ROBO2: variants seen among roughly 807,000 people sequenced by gnomAD.
The protein encoded by ROBO2 is roundabout homolog 2.
In ROBO2, 53 loss-of-function variants were observed where a neutral mutation model predicts 160.8. The ratio of observed to expected loss-of-function variants is 0.33; its 90% CI spans 0.26 to 0.41. The LOEUF is 0.41. Among genes scored for constraint, ROBO2 ranks in the 10% least tolerant of loss-of-function variants. The pLI is 1.00. For missense variants in ROBO2, 1,577 were observed against 1,722.4 expected, an observed-to-expected ratio of 0.92 and a Z score of 1.49; for synonymous variants, 664 against 611.7, an observed-to-expected ratio of 1.09 and a Z score of -1.26.
At chr3:77,458,158 T>C (rs1310609666) in intron 2 of ROBO2, among the ~76,000 whole-genome samples, 1 of 152,178 alleles carries the variant, frequency 6.6e-6, no homozygotes, top group Non-Finnish European at 1.5e-5. Context: ...TTGCTCCAAA[T>C]GGCATAGCTG....
At chr3:76,574,088 T>G (rs146785641) in intron 2 of ROBO2, among the ~76,000 whole-genome samples, 212 of 152,246 alleles carry the variant, frequency 1.4e-3, no homozygotes, top group Middle Eastern at 6.8e-3. Context: ...CATCATTTAA[T>G]ACACATTATT....
At chr3:77,157,743 C>G (rs76210379) in intron 2 of ROBO2, among the ~76,000 whole-genome samples, 6,080 of 152,064 alleles carry the variant, frequency 0.04, 173 homozygotes, top group East Asian at 0.088. Flanking sequence ...TGTTCTAAAG[C>G]CAATTCTAAA....
intron 2 of ROBO2, among the ~76,000 whole-genome samples, chr3:76,460,397 T>C (rs1349731582): frequency 6.6e-6 from 1 of 152,168 alleles, no homozygotes; most frequent in Non-Finnish European, 1.5e-5. Flanking sequence ...AAATGGAGGC[T>C]GGGCATGGTG....
intron 3 of ROBO2, 21 bp downstream of exon 3, chr3:77,477,592 G>T: frequency 6.2e-7 from 1 of 1,609,260 alleles, no homozygotes; most frequent in East Asian, 2.2e-5. Context: ...TTAAAATCAT[G>T]GCCCAGAGAG....
At chr3:76,273,117 A>G (rs1380354726) in intron 2 of ROBO2, among the ~76,000 whole-genome samples, 1 of 9,062 alleles carries the variant, frequency 1.1e-4, no homozygotes, top group African/African-American at 1.4e-4. Flanking sequence ...ACACACACAT[A>G]TAAATATATA....
chr3:77,411,340 G>T (rs1040169765), intron 2 of ROBO2, among the ~76,000 whole-genome samples: 1 of 152,164 alleles, frequency 6.6e-6, no homozygotes, highest in Non-Finnish European at 1.5e-5. Flanking sequence ...AATTAAAAAT[G>T]CTTGAAGCCT....
chr3:76,233,389 C>T (rs7617577), intron 2 of ROBO2, among the ~76,000 whole-genome samples: 135,060 of 152,052 alleles, frequency 0.89, 60,382 homozygotes, highest in Middle Eastern at 0.97. Context: ...GGTGATCCGC[C>T]TGCCTCGGCC....
At chr3:76,629,242 CAA>C (rs2089872280) in intron 2 of ROBO2, among the ~76,000 whole-genome samples, 2 of 152,190 alleles carry the variant, frequency 1.3e-5, no homozygotes, top group Non-Finnish European at 1.5e-5. Flanking sequence ...TTCTTCAAAG[CAA>C]CCAAAATATA....
chr3:76,064,957 A>G (rs1000658322), intron 2 of ROBO2, among the ~76,000 whole-genome samples: 2 of 152,100 alleles, frequency 1.3e-5, no homozygotes, highest in Admixed American at 1.3e-4. Context: ...TATCTTTATC[A>G]CAGGAGTATA....
intron 2 of ROBO2, among the ~76,000 whole-genome samples, chr3:76,487,151 T>C (rs1040884351): frequency 1.3e-5 from 2 of 150,298 alleles, no homozygotes; most frequent in African/African-American, 4.9e-5. Flanking sequence ...TTAATTTAAT[T>C]TTTTTTTTTT....
intron 2 of ROBO2, among the ~76,000 whole-genome samples, chr3:76,318,591 T>C (rs1159643161): frequency 6.6e-6 from 1 of 152,098 alleles, no homozygotes; most frequent in Non-Finnish European, 1.5e-5. Context: ...TTGGATATAT[T>C]AGTGTTGGGG....
chr3:76,887,621 G>A (rs1204898615), intron 2 of ROBO2, among the ~76,000 whole-genome samples: 1 of 151,982 alleles, frequency 6.6e-6, no homozygotes, highest in Non-Finnish European at 1.5e-5. Context: ...AAAATGTCCT[G>A]CTAAACATAG....
At chr3:76,563,594 A>G (rs189133333) in intron 2 of ROBO2, among the ~76,000 whole-genome samples, 8 of 152,242 alleles carry the variant, frequency 5.3e-5, no homozygotes, top group Admixed American at 2.0e-4. Flanking sequence ...TTACTCATCA[A>G]TTGTTTATCT....
intron 2 of ROBO2, among the ~76,000 whole-genome samples, chr3:77,316,331 T>G (rs1311647043): frequency 6.6e-6 from 1 of 152,038 alleles, no homozygotes; most frequent in Non-Finnish European, 1.5e-5. Context: ...TATAAAAAAG[T>G]CTCATTCAGA....
chr3:76,453,292 G>A (rs905959206), intron 2 of ROBO2, among the ~76,000 whole-genome samples: 6 of 152,058 alleles, frequency 3.9e-5, no homozygotes, highest in African/African-American at 1.4e-4. Context: ...TTTCTTCTAG[G>A]GTTTTTATAG....
At chr3:76,609,634 T>C (rs2087931536) in intron 2 of ROBO2, among the ~76,000 whole-genome samples, 2 of 152,172 alleles carry the variant, frequency 1.3e-5, no homozygotes, top group Admixed American at 6.5e-5. Flanking sequence ...TCTTTGGGTT[T>C]TTCCCAATAT....
intron 2 of ROBO2, among the ~76,000 whole-genome samples, chr3:77,033,731 A>G (rs1050764905): frequency 6.6e-6 from 1 of 152,152 alleles, no homozygotes; most frequent in Non-Finnish European, 1.5e-5. Flanking sequence ...AAAATGAAAA[A>G]TTAAGATAAA....
At chr3:77,142,017 G>A (rs77698848) in intron 2 of ROBO2, among the ~76,000 whole-genome samples, 7,575 of 152,220 alleles carry the variant, frequency 0.05, 425 homozygotes, top group East Asian at 0.21. Flanking sequence ...TACTTGTGCT[G>A]TCTTATACGT....
chr3:76,537,083 T>A (rs2082546425), intron 2 of ROBO2, among the ~76,000 whole-genome samples: 1 of 151,668 alleles, frequency 6.6e-6, no homozygotes, highest in Middle Eastern at 3.4e-3. Flanking sequence ...TGAGGAGTGG[T>A]CTGTGGAAGG....
Sources: gnomAD v4.1 joint callset for allele counts (sites outside exome capture counted in the v4.1 genomes callset) on GRCh38, gnomAD v4.1.1 for gene constraint, MANE v1.5 for transcripts, NCBI Gene and HGNC (gene_info 2026-07-23, HGNC 2026-07-21) for gene names.